The following C10orf67 variants were observed in gnomAD, a reference collection of about 807,000 sequenced individuals.
The protein encoded by C10orf67 is chromosome 10 open reading frame 67.
In C10orf67, 60 loss-of-function variants were observed where a neutral mutation model predicts 35.6. The ratio of observed to expected loss-of-function variants is 1.68; its 90% CI spans 1.37 to 2.09. The LOEUF (loss-of-function observed/expected upper bound fraction) is 2.09. C10orf67 is among the 30% of genes most tolerant of loss of function. The probability of loss-of-function intolerance (pLI) is 0.00; values close to 1 mark genes in which losing one functional copy is unlikely to be tolerated. For missense variants in C10orf67, 474 were observed against 330.2 expected, an observed-to-expected ratio of 1.44 and a Z score of -3.38; for synonymous variants, 167 against 115.8, an observed-to-expected ratio of 1.44 and a Z score of -2.84.
chr10:23,280,304 A>G (rs1413661901), intron 8 of C10orf67, among the ~76,000 whole-genome samples: 1 of 152,226 alleles, frequency 6.6e-6, no homozygotes, highest in African/African-American at 2.4e-5. Context: ...TTACATTTTT[A>G]CAAAACGACT....
chr10:23,230,176 C>T (rs1841869749), intron 13 of C10orf67, among the ~76,000 whole-genome samples: 1 of 151,848 alleles, frequency 6.6e-6, no homozygotes, highest in Non-Finnish European at 1.5e-5. Flanking sequence ...TATATATGAG[C>T]CCTTAATAAT....
At chr10:23,223,466 TAA>T (rs1841642565) in intron 15 of C10orf67, 130 bp downstream of exon 15, 1 of 654,560 alleles carries the variant, frequency 1.5e-6, no homozygotes, top group South Asian at 1.8e-5. Flanking sequence ...AATAATTTTA[TAA>T]AGTGGCTGAA....
rs181601280 is a variant in C10orf67, at chr10:23,278,207, T to C, written c.975+3806A>G. On this transcript the variant is annotated intron_variant, in intron 8 of 15. Transcript: ENST00000636213. ...AACTGTATCACCATCTAAACCAAAT[T>C]TTCTTGGGGGACCTCAATGACACTT... Among the ~76,000 whole-genome samples, 22 of 152,202 alleles carry C rather than the reference T, an allele frequency of 1.4e-4. No individual in the cohort carries two copies. In the East Asian group the frequency reaches 4.1e-3, roughly 28 times the overall value.
chr10:23,249,962 T>A (rs558008134), intron 12 of C10orf67, among the ~76,000 whole-genome samples: 5 of 152,296 alleles, frequency 3.3e-5, no homozygotes, highest in African/African-American at 1.2e-4. Context: ...TTTTACAGTT[T>A]CTCCATTTTG....
intron 5 of C10orf67, among the ~76,000 whole-genome samples, chr10:23,300,198 C>T (rs148091672): frequency 1.4e-3 from 208 of 152,212 alleles, no homozygotes; most frequent in Non-Finnish European, 2.3e-3. Flanking sequence ...CCAGTGATTC[C>T]CTTGACATAA....
At chr10:23,292,877 C>A (rs4587637) in intron 5 of C10orf67, among the ~76,000 whole-genome samples, 17,712 of 152,070 alleles carry the variant, frequency 0.12, 2,267 homozygotes, top group East Asian at 0.63. Flanking sequence ...AACTAACAAA[C>A]CTAGTAAGTA....
chr10:23,292,355 T>A (rs1843747987), intron 5 of C10orf67, among the ~76,000 whole-genome samples: 1 of 152,006 alleles, frequency 6.6e-6, no homozygotes. Context: ...GATTATGCAA[T>A]CTCAAAATAT....
intron 8 of C10orf67, among the ~76,000 whole-genome samples, chr10:23,273,423 T>C (rs1319048979): frequency 1.3e-5 from 2 of 152,220 alleles, no homozygotes; most frequent in Non-Finnish European, 2.9e-5. Flanking sequence ...TTTTTCTTCA[T>C]CCACCTGCTT....
At chr10:23,314,181 C>T (rs1347370675) in intron 4 of C10orf67, among the ~76,000 whole-genome samples, 1 of 130,956 alleles carries the variant, frequency 7.6e-6, no homozygotes, top group Non-Finnish European at 1.5e-5. Flanking sequence ...GAGCAAGACT[C>T]TGTTTCAAAA....
intron 5 of C10orf67, among the ~76,000 whole-genome samples, chr10:23,297,264 T>TTCCTTTCCTTTCCTC (rs1843914238): frequency 7.1e-6 from 1 of 140,890 alleles, no homozygotes; most frequent in African/African-American, 2.7e-5. Context: ...TTCCTTTCCT[T>TTCCTTTCCTTTCCTC]TCCTTTCTGA....
At chr10:23,299,330 G>A (rs2132277220) in intron 5 of C10orf67, among the ~76,000 whole-genome samples, 1 of 152,202 alleles carries the variant, frequency 6.6e-6, no homozygotes, top group Admixed American at 6.5e-5. Context: ...ACTGCCTTTG[G>A]TAGGAAAAGG....
intron 4 of C10orf67, 74 bp downstream of exon 4, chr10:23,320,667 T>G: frequency 3.5e-6 from 4 of 1,143,344 alleles, no homozygotes; most frequent in Non-Finnish European, 5.1e-6. Flanking sequence ...GAAGCCAAGG[T>G]GATCCCCACT....
At chr10:23,289,771 G>A (rs1288031848) in intron 7 of C10orf67, 129 bp downstream of exon 7, 1 of 590,052 alleles carries the variant, frequency 1.7e-6, no homozygotes, top group South Asian at 2.4e-5. Context: ...CCAAATAGTG[G>A]GGAGAGATTA....
At chr10:23,209,343 G>A (rs972041278) in intron 15 of C10orf67, among the ~76,000 whole-genome samples, 1 of 152,046 alleles carries the variant, frequency 6.6e-6, no homozygotes, top group African/African-American at 2.4e-5. Context: ...GCTCTGAATA[G>A]GAGGAGGAGA....
chr10:23,261,296 C>A (rs927380082), intron 10 of C10orf67, among the ~76,000 whole-genome samples: 1 of 152,136 alleles, frequency 6.6e-6, no homozygotes, highest in Non-Finnish European at 1.5e-5. Flanking sequence ...TGGAGGAGAT[C>A]CTCAAACTGT....
chr10:23,212,778 TGAGAGAGAGAGAGAGAGAGA>T (rs58972226), intron 15 of C10orf67, among the ~76,000 whole-genome samples: 2 of 101,082 alleles, frequency 2.0e-5, no homozygotes, highest in Admixed American at 1.1e-4. Context: ...AATATTGTAT[TGAGAGAGAGAGAGAGAGAGA>T]GAGAGAGAGA....
intron 1 of C10orf67, among the ~76,000 whole-genome samples, chr10:23,340,125 A>AT (rs1030295468): frequency 6.6e-6 from 1 of 151,536 alleles, no homozygotes; most frequent in Non-Finnish European, 1.5e-5. Context: ...GTTTTTACCA[A>AT]TTTTTTTTCA....
chr10:23,330,725 G>C (rs1365336537), intron 2 of C10orf67, among the ~76,000 whole-genome samples: 3 of 137,018 alleles, frequency 2.2e-5, no homozygotes, highest in Non-Finnish European at 3.1e-5. Context: ...GGGCGACAGA[G>C]CAAGACTCTG....
intron 2 of C10orf67, among the ~76,000 whole-genome samples, chr10:23,326,294 G>C (rs907249248): frequency 6.6e-6 from 1 of 152,060 alleles, no homozygotes; most frequent in Admixed American, 6.5e-5. Context: ...AGACAGAAAA[G>C]AAACAGCTAC....
Sources: gnomAD v4.1 joint callset for allele counts (sites outside exome capture counted in the v4.1 genomes callset) on GRCh38, gnomAD v4.1.1 for gene constraint, MANE v1.5 for transcripts, NCBI Gene and HGNC (gene_info 2026-07-23, HGNC 2026-07-21) for gene names.